The following FHOD3 variants were observed in gnomAD, a reference collection of about 807,000 sequenced individuals.
FHOD3 encodes the protein formin homology 2 domain containing 3.
Under a neutral mutation model 173.0 loss-of-function variants are expected in FHOD3, and 90 were observed. The observed-to-expected ratio is 0.52, with a 90% confidence interval of 0.44 to 0.62. FHOD3 has a LOEUF of 0.62. Ranked by LOEUF, FHOD3 falls within the 20% of genes least tolerant of loss-of-function variation. The probability of loss-of-function intolerance (pLI) is 0.00; values close to 1 mark genes in which losing one functional copy is unlikely to be tolerated. For synonymous variants in FHOD3, 828 were observed against 823.0 expected, an observed-to-expected ratio of 1.01 and a Z score of -0.10; for missense variants, 1,945 against 2,034.7, an observed-to-expected ratio of 0.96 and a Z score of 0.85.
At chr18:36,316,118 T>A (rs868249191) in intron 1 of FHOD3, among the ~76,000 whole-genome samples, 25 of 149,014 alleles carry the variant, frequency 1.7e-4, no homozygotes, top group Non-Finnish European at 3.1e-4. Context: ...GAGCCATTGC[T>A]CTCATTAAAA....
intron 3 of FHOD3, among the ~76,000 whole-genome samples, chr18:36,480,079 G>A (rs1223115888): frequency 6.6e-6 from 1 of 152,222 alleles, no homozygotes; most frequent in African/African-American, 2.4e-5. Context: ...CTGGGTTTAA[G>A]CAAATGTACT....
At chr18:36,349,637 C>T (rs1385782894) in intron 1 of FHOD3, among the ~76,000 whole-genome samples, 1 of 152,162 alleles carries the variant, frequency 6.6e-6, no homozygotes, top group Non-Finnish European at 1.5e-5. Context: ...GACCTGCTGC[C>T]AAAACCTAGA....
chr18:36,470,761 C>T (rs975604018), intron 3 of FHOD3, among the ~76,000 whole-genome samples: 8 of 152,154 alleles, frequency 5.3e-5, no homozygotes, highest in East Asian at 3.9e-4. Flanking sequence ...TCCCGCTCCG[C>T]GCTGGGATAT....
Position 36,439,565 on chromosome 18 carries a change from GTGTA to G in FHOD3, c.338-62358_338-62355del, listed in dbSNP as rs1173846846. Reference sequence around the variant, plus strand: ...TGTGTGTGTGTGTGTGTGTGTGTGTGTGTATGTATGTAGTTACATAAGAGGAGAC... The same window carrying G: ...TGTGTGTGTGTGTGTGTGTGTGTGTGTGTATGTAGTTACATAAGAGGAGAC... On this transcript the variant is annotated intron_variant, in intron 3 of 28. Coordinates refer to ENST00000590592, the MANE Select transcript of FHOD3 (RefSeq NM_001281740.3). 3.2e-3 allele frequency among the ~76,000 whole-genome samples: 355 copies of G among 112,192 alleles called. 2 individuals carry two copies. Among genetic ancestry groups the G allele is most frequent in the African/African-American group, 0.01 (326 of 31,062 alleles). 73.6% of individuals were successfully genotyped at this position (112,192 alleles called of 152,430 possible). A position where few individuals can be genotyped will look rare whatever the true frequency, so the allele number is the denominator to read the frequency against.
chr18:36,526,677 A>G lies in FHOD3; in HGVS notation c.511+14134A>G, dbSNP rs1280608528. Among the ~76,000 whole-genome samples the G allele has an allele frequency of 2.0e-5, 3 of 152,190 alleles. No individual in the cohort carries two copies. In the East Asian group the frequency reaches 5.8e-4, roughly 29 times the overall value. On this transcript the variant is annotated intron_variant, in intron 5 of 28. Coordinates refer to ENST00000590592, the MANE Select transcript of FHOD3 (RefSeq NM_001281740.3). ...CTCAGCCTCCCGAAGTGCTGAGATT[A>G]CAGATGTGAGCCACCATGCCTGGCC...
Position 36,664,033 on chromosome 18 carries a change from T to C in FHOD3, c.1835+5845T>C, listed in dbSNP as rs1480672140. Among the ~76,000 whole-genome samples the C allele has an allele frequency of 2.0e-5, 3 of 152,170 alleles. No individual in the cohort carries two copies. The East Asian group carries it at 5.8e-4, about 29-fold the overall frequency. On this transcript the variant is annotated intron_variant, in intron 14 of 28. Transcript: ENST00000590592. ...TGGATATGTGATCTGGGTGTTTTGC[T>C]GGATCCCAGATGCTTGCTGGCTGTG...
chr18:36,687,273 G>C, intron 16 of FHOD3, 95 bp downstream of exon 16: 1 of 922,750 alleles, frequency 1.1e-6, no homozygotes, highest in Non-Finnish European at 1.7e-6. Context: ...AAATATAACT[G>C]CTTCACCTAA....
At chr18:36,395,205 A>G (rs1441143252) in intron 3 of FHOD3, among the ~76,000 whole-genome samples, 3 of 147,898 alleles carry the variant, frequency 2.0e-5, no homozygotes, top group East Asian at 2.0e-4. Context: ...AAATATCTGT[A>G]TCTAGGGAGG....
intron 5 of FHOD3, among the ~76,000 whole-genome samples, chr18:36,524,002 T>G (rs1260103242): frequency 6.6e-6 from 1 of 152,152 alleles, no homozygotes; most frequent in African/African-American, 2.4e-5. Context: ...TGTATTCGGC[T>G]GGACATGGTG....
At chr18:36,482,057 A>T (rs762233895) in intron 3 of FHOD3, among the ~76,000 whole-genome samples, 6 of 152,194 alleles carry the variant, frequency 3.9e-5, no homozygotes, top group Non-Finnish European at 7.3e-5. Flanking sequence ...AAAAAAAAGA[A>T]GGTGGTGGAA....
chr18:36,313,514 A>C (rs1339507230), intron 1 of FHOD3, among the ~76,000 whole-genome samples: 1 of 152,168 alleles, frequency 6.6e-6, no homozygotes, highest in Non-Finnish European at 1.5e-5. Context: ...TGCTATATGA[A>C]TAGAATCATT....
At chr18:36,335,201 C>CA (rs966264343) in intron 1 of FHOD3, among the ~76,000 whole-genome samples, 2 of 151,502 alleles carry the variant, frequency 1.3e-5, no homozygotes, top group African/African-American at 2.4e-5. Context: ...TAAGCTAAAA[C>CA]AAAAAAAAAC....
chr18:36,423,033 T>C (rs1357448063), intron 3 of FHOD3, among the ~76,000 whole-genome samples: 1 of 152,082 alleles, frequency 6.6e-6, no homozygotes, highest in African/African-American at 2.4e-5. Context: ...GTGGCTTCAG[T>C]TTCTCTGCCA....
At chr18:36,639,686 G>A (rs746601233) in intron 10 of FHOD3, among the ~76,000 whole-genome samples, 18 of 151,672 alleles carry the variant, frequency 1.2e-4, no homozygotes, top group Non-Finnish European at 1.9e-4. Context: ...AGCTGGGCGT[G>A]GTGGTGGGCG....
intron 3 of FHOD3, among the ~76,000 whole-genome samples, chr18:36,494,438 G>T (rs6417072): frequency 2.0e-5 from 3 of 152,030 alleles, no homozygotes; most frequent in South Asian, 4.1e-4. Flanking sequence ...ACCTTCTTGT[G>T]GTTACCAAAG....
chr18:36,709,170 A>T lies in FHOD3; in HGVS notation c.2312A>T (p.Glu771Val), dbSNP rs765189794. The T allele has an allele frequency of 6.2e-7, 1 of 1,614,178 alleles. No individual in the cohort carries two copies. The highest frequency in any genetic ancestry group is 1.1e-5 in the South Asian group (1 of 91,078). The stretch of plus-strand genomic sequence containing the variant: ...GCAGGGGCGGGGCAGGTTGCTGATG[A>T]AGCTGGCCAGGACATAGCCTCTGCC... Reference protein sequence around the residue: ...AEAGAGQVADEAGQDIASAHE... With the variant: ...AEAGAGQVADVAGQDIASAHE... The change falls in exon 18 of 29, where the codon GAA becomes GTA. Residue 771 changes from glutamate to valine, a missense_variant. Glu to Val is a moderately radical substitution (Grantham distance 121). Around this residue, in one of 5 missense-constraint regions of FHOD3, gnomAD observed 1,099 missense variants for 1,051.2 expected, o/e 1.05. Transcript: ENST00000590592.
intron 27 of FHOD3, among the ~76,000 whole-genome samples, chr18:36,764,669 G>C (rs528245): frequency 0.93 from 141,943 of 152,204 alleles, 66,304 homozygotes; most frequent in East Asian, 1. Flanking sequence ...AAAGATGTTG[G>C]TGGGTTTGTA....
chr18:36,351,392 A>G (rs542457471), intron 1 of FHOD3, among the ~76,000 whole-genome samples: 24 of 152,294 alleles, frequency 1.6e-4, no homozygotes, highest in African/African-American at 5.5e-4. Flanking sequence ...GAGGATGCTT[A>G]GGTCTCTGCT....
chr18:36,318,890 A>G (rs546486355), intron 1 of FHOD3, among the ~76,000 whole-genome samples: 112 of 152,324 alleles, frequency 7.4e-4, no homozygotes, highest in African/African-American at 2.6e-3. Context: ...ATTTTGAGAT[A>G]CATTCCATTA....
Sources: gnomAD v4.1 joint callset for allele counts (sites outside exome capture counted in the v4.1 genomes callset) on GRCh38, gnomAD v4.1.1 for gene constraint, gnomAD v4.1.1 regional missense constraint, MANE v1.5 for transcripts, NCBI Gene and HGNC (gene_info 2026-07-23, HGNC 2026-07-21) for gene names.